Variants in ELP1 observed in about 807,000 individuals in gnomAD.
ELP1 encodes elongator acetyltransferase complex subunit 1.
A neutral mutation model predicts 183.2 loss-of-function variants in ELP1; 131 were observed. That is an observed-to-expected ratio of 0.72 (90% CI 0.62 to 0.83). ELP1 has a LOEUF of 0.83. ELP1 is among the 40% of genes least tolerant of loss of function. The pLI is 0.00. For missense variants in ELP1, 1,550 were observed against 1,594.9 expected (o/e 0.97, Z 0.48); for synonymous variants, 555 against 569.0 (o/e 0.98, Z 0.35).
intron 2 of ELP1, among the ~76,000 whole-genome samples, chr9:108,930,268 T>C (rs770874539): frequency 1.3e-5 from 2 of 152,188 alleles, no homozygotes; most frequent in African/African-American, 2.4e-5. Flanking sequence ...TAAAATGTAT[T>C]AGTAGAAGAA....
At chr9:108,918,726 A>AAACATCTGT in intron 8 of ELP1, 85 bp downstream of exon 8, 1 of 927,830 alleles carries the variant, frequency 1.1e-6, no homozygotes, top group Non-Finnish European at 1.8e-6. Flanking sequence ...TGTGTTACAC[A>AAACATCTGT]AACATCTGTA....
chr9:108,896,347 A>C, intron 25 of ELP1, 149 bp downstream of exon 25: 1 of 719,948 alleles, frequency 1.4e-6, no homozygotes. Context: ...GGGGCTTAGG[A>C]ATGTGGGCCC....
intron 7 of ELP1, 136 bp downstream of exon 7, chr9:108,919,117 T>A: frequency 1.3e-6 from 1 of 764,348 alleles, no homozygotes. Context: ...CTAACCTCAT[T>A]TCACATTTAA....
intron 36 of ELP1, among the ~76,000 whole-genome samples, chr9:108,869,573 C>G (rs1827360418): frequency 6.6e-6 from 1 of 152,102 alleles, no homozygotes; most frequent in Non-Finnish European, 1.5e-5. Context: ...TAAGGAATAG[C>G]AAAATGTGAT....
chr9:108,923,636 G>T (rs1396115775), intron 5 of ELP1, among the ~76,000 whole-genome samples: 1 of 152,240 alleles, frequency 6.6e-6, no homozygotes, highest in Non-Finnish European at 1.5e-5. Flanking sequence ...ACTGGTGATA[G>T]AGGGGCTGCA....
At position 108,913,408 on chromosome 9, in the gene ELP1, A is replaced by G. The variant is rs183868747; in HGVS notation, c.959-914T>C. On this transcript the variant is annotated intron_variant, in intron 10 of 36. Transcript: ENST00000374647. ...ATGCCAAAACCAACCTTTACTAAAC[A>G]GATGACATATAAATTAAGACCTTAG... 3.9e-5 allele frequency among the ~76,000 whole-genome samples: 6 copies of G among 152,340 alleles called. No homozygotes were observed. In the East Asian group the frequency reaches 1.2e-3, roughly 29 times the overall value.
intron 16 of ELP1, among the ~76,000 whole-genome samples, chr9:108,902,480 CAA>C (rs149109521): frequency 1.3e-5 from 2 of 152,230 alleles, no homozygotes; most frequent in African/African-American, 4.8e-5. Context: ...CCATCCACCA[CAA>C]TTATAGGCAT....
At chr9:108,920,591 C>A (rs1201002688) in intron 6 of ELP1, among the ~76,000 whole-genome samples, 1 of 151,244 alleles carries the variant, frequency 6.6e-6, no homozygotes, top group African/African-American at 2.4e-5. Context: ...TAAATGCAAC[C>A]TCTTGAATCA....
At chr9:108,900,733 G>C (rs1194795278) in intron 18 of ELP1, among the ~76,000 whole-genome samples, 1 of 152,010 alleles carries the variant, frequency 6.6e-6, no homozygotes, top group Non-Finnish European at 1.5e-5. Flanking sequence ...AAGAAAATAA[G>C]TTGGCTTTTT....
chr9:108,873,053 A>G (rs1459254205), intron 36 of ELP1, among the ~76,000 whole-genome samples: 2 of 152,188 alleles, frequency 1.3e-5, no homozygotes, highest in African/African-American at 4.8e-5. Flanking sequence ...ATTTTTATAA[A>G]AATAACTTGA....
chr9:108,899,814 G>C lies in ELP1; in HGVS notation c.2204+8C>G. ...CTAACTAGTCGCAAACAGTACAATG[G>C]CACTTACTTGTCCAACCACTTCCGA... is the stretch of plus-strand genomic sequence containing the variant. On this transcript the variant is annotated splice_region_variant and intron_variant, in intron 20 of 36. Coordinates refer to ENST00000374647, the MANE Select transcript of ELP1 (RefSeq NM_003640.5). 1.2e-6 allele frequency: 2 copies of C among 1,609,760 alleles called. No individual in the cohort carries two copies. The highest frequency in any genetic ancestry group is 1.7e-6 in the Non-Finnish European group (2 of 1,176,060).
chr9:108,881,785 A>G lies in ELP1; in HGVS notation c.3286-20T>C. On this transcript the variant is annotated intron_variant, in intron 30 of 36. Transcript: ENST00000374647. Reference sequence around the variant, plus strand: ...GTATACCTAGAAGGAAAAACACAATAATTTTAGGAAGGAAAACTTCTAGTC... The same window carrying G: ...GTATACCTAGAAGGAAAAACACAATGATTTTAGGAAGGAAAACTTCTAGTC... The G allele has an allele frequency of 2.9e-6, 4 of 1,402,372 alleles. No homozygotes were observed. Among genetic ancestry groups the G allele is most frequent in the Non-Finnish European group, 4.0e-6 (4 of 987,746 alleles). 86.9% of individuals were successfully genotyped at this position (1,402,372 alleles called of 1,614,324 possible). A position where few individuals can be genotyped will look rare whatever the true frequency, so the allele number is the denominator to read the frequency against.
chr9:108,901,247 A>G (rs942202364), intron 18 of ELP1, among the ~76,000 whole-genome samples, 178 bp downstream of exon 18: 6 of 152,216 alleles, frequency 3.9e-5, no homozygotes, highest in Non-Finnish European at 7.3e-5. Context: ...AAAGTGCAGA[A>G]TGATTTAACT....
intron 29 of ELP1, among the ~76,000 whole-genome samples, chr9:108,885,652 A>G (rs570257807): frequency 1.6e-4 from 25 of 152,374 alleles, no homozygotes; most frequent in African/African-American, 5.8e-4. Flanking sequence ...AGCTGATCAA[A>G]GCAACAAGTC....
At chr9:108,908,951 G>A (rs1263142227) in intron 12 of ELP1, among the ~76,000 whole-genome samples, 1 of 152,026 alleles carries the variant, frequency 6.6e-6, no homozygotes, top group Non-Finnish European at 1.5e-5. Flanking sequence ...CTGGCCTCCT[G>A]GCTATTTCCT....
chr9:108,870,880 T>G (rs576015264), intron 36 of ELP1, among the ~76,000 whole-genome samples: 2 of 152,130 alleles, frequency 1.3e-5, no homozygotes, highest in South Asian at 4.2e-4. Flanking sequence ...CTCATCTCCA[T>G]CAAGTCATCT....
intron 4 of ELP1, 47 bp from the exon 5 acceptor site, chr9:108,926,650 T>A: frequency 6.7e-7 from 1 of 1,481,494 alleles, no homozygotes; most frequent in Non-Finnish European, 9.3e-7. Flanking sequence ...TGTAACAAAT[T>A]TGCCATTCCT....
intron 36 of ELP1, among the ~76,000 whole-genome samples, chr9:108,872,908 C>T (rs1229872622): frequency 3.4e-5 from 5 of 147,850 alleles, no homozygotes; most frequent in Non-Finnish European, 7.4e-5. Flanking sequence ...ATATTTGATT[C>T]TAGACTTAAC....
rs1350877547 is a variant in ELP1 at position 108,917,618 on chromosome 9, T to C, written c.793A>G (p.Ile265Val). The change falls in exon 9 of 37, where the codon ATT becomes GTT. Residue 265 changes from isoleucine to valine, a missense_variant. Coordinates refer to ENST00000374647, the MANE Select transcript of ELP1 (RefSeq NM_003640.5). Reference protein sequence around the residue: ...STQDKPNQQDIVFFEKNGLLH... With the variant: ...STQDKPNQQDVVFFEKNGLLH... ...AGTCCATTTTTCTCAAAAAACACAA[T>C]ATCCTGCTGGTTGGGTTTATCTTGT... is the stretch of plus-strand genomic sequence containing the variant. 8.7e-6 allele frequency: 14 copies of C among 1,613,574 alleles called. No homozygotes were observed. Among genetic ancestry groups the C allele is most frequent in the Middle Eastern group, 1.6e-4 (1 of 6,084 alleles).
Sources: allele counts gnomAD v4.1 joint callset (sites outside exome capture counted in the v4.1 genomes callset), GRCh38; gene constraint gnomAD v4.1.1; transcripts MANE v1.5; gene names NCBI Gene and HGNC (gene_info 2026-07-23, HGNC 2026-07-21).